ADARB2: variants seen among roughly 807,000 people sequenced by gnomAD.
ADARB2 encodes the protein inactive double-stranded RNA-specific editase B2.
A neutral mutation model predicts 62.2 loss-of-function variants in ADARB2; 25 were observed. The ratio of observed to expected loss-of-function variants is 0.40; its 90% confidence interval spans 0.29 to 0.56. The LOEUF is 0.56. Among genes scored for constraint, ADARB2 ranks in the 20% least tolerant of loss-of-function variants. ADARB2 has a pLI of 0.43. For missense variants in ADARB2, 1,071 were observed against 1,077.4 expected (o/e 0.99, Z 0.08); for synonymous variants, 572 against 500.8 (o/e 1.14, Z -1.90).
chr10:1,681,816 G>T (rs1224919381), intron 1 of ADARB2, among the ~76,000 whole-genome samples: 2 of 152,184 alleles, frequency 1.3e-5, no homozygotes, highest in Non-Finnish European at 2.9e-5. Context: ...CGGGTGTTTG[G>T]TGTGGCTCCC....
At chr10:1,498,709 A>G (rs1180094362) in intron 1 of ADARB2, among the ~76,000 whole-genome samples, 14 of 152,248 alleles carry the variant, frequency 9.2e-5, no homozygotes, top group Admixed American at 9.2e-4. Context: ...AAGACGTAAA[A>G]CACAAGTTAC....
chr10:1,349,060 C>T (rs150429195), intron 3 of ADARB2, among the ~76,000 whole-genome samples: 1,665 of 152,302 alleles, frequency 0.011, 15 homozygotes, highest in Non-Finnish European at 0.019. Flanking sequence ...TCCCCTGTGA[C>T]CTGCAGGTAC....
intron 1 of ADARB2, among the ~76,000 whole-genome samples, chr10:1,612,350 G>A (rs1833583117): frequency 6.6e-6 from 1 of 152,342 alleles, no homozygotes; most frequent in South Asian, 2.1e-4. Context: ...CCCCAGCCAG[G>A]ACCCGAGGCC....
chr10:1,233,683 T>C lies in ADARB2; in HGVS notation c.1513+11A>G, dbSNP rs758447090. 9.4e-6 allele frequency: 15 copies of C among 1,603,174 alleles called. No individual in the cohort carries two copies. The highest frequency in any genetic ancestry group is 1.7e-4 in the Middle Eastern group (1 of 6,020). ...TGTTGGCCTACAGAAGGTAAAAGCATGGTCTCTTACGGTCTGTGGTGATCT... is the reference window on the plus strand; with the variant it reads ...TGTTGGCCTACAGAAGGTAAAAGCACGGTCTCTTACGGTCTGTGGTGATCT... On this transcript the variant is annotated intron_variant, in intron 6 of 9. Coordinates refer to ENST00000381312, the MANE Select transcript of ADARB2 (RefSeq NM_018702.4).
At chr10:1,488,036 A>C (rs901295772) in intron 1 of ADARB2, among the ~76,000 whole-genome samples, 18 of 152,256 alleles carry the variant, frequency 1.2e-4, no homozygotes, top group African/African-American at 3.9e-4. Flanking sequence ...GTAATTTCCA[A>C]GAAGGTCATC....
At chr10:1,468,968 C>G (rs1396282379) in intron 1 of ADARB2, among the ~76,000 whole-genome samples, 1 of 152,226 alleles carries the variant, frequency 6.6e-6, no homozygotes, top group African/African-American at 2.4e-5. Flanking sequence ...GTGTCTTGCC[C>G]AAGTGGCCCC....
At chr10:1,266,286 T>A (rs1831199675) in intron 4 of ADARB2, among the ~76,000 whole-genome samples, 2 of 152,192 alleles carry the variant, frequency 1.3e-5, no homozygotes, top group Admixed American at 1.3e-4. Flanking sequence ...TGCCTGTAGG[T>A]CCGGTGCAAC....
chr10:1,514,193 A>ATATATATATATATATATG (rs933457969), intron 1 of ADARB2, among the ~76,000 whole-genome samples: 3 of 133,814 alleles, frequency 2.2e-5, no homozygotes, highest in African/African-American at 8.1e-5. Flanking sequence ...ATATATATAT[A>ATATATATATATATATATG]TATGTATATT....
intron 1 of ADARB2, among the ~76,000 whole-genome samples, chr10:1,595,885 C>T (rs1833327302): frequency 6.6e-6 from 1 of 152,226 alleles, no homozygotes; most frequent in Non-Finnish European, 1.5e-5. Context: ...AGAATGAGCT[C>T]ACTTCCAGGA....
intron 1 of ADARB2, among the ~76,000 whole-genome samples, chr10:1,498,727 T>G (rs1049148937): frequency 1.3e-5 from 2 of 152,220 alleles, no homozygotes; most frequent in African/African-American, 2.4e-5. Context: ...TACAGACATA[T>G]ACTTTTGTAT....
intron 3 of ADARB2, among the ~76,000 whole-genome samples, chr10:1,321,993 G>A (rs1313943893): frequency 6.6e-6 from 1 of 152,038 alleles, no homozygotes; most frequent in Non-Finnish European, 1.5e-5. Flanking sequence ...AGAAGACACA[G>A]AAATGCTCCC....
chr10:1,645,603 G>A (rs922435035), intron 1 of ADARB2, among the ~76,000 whole-genome samples: 3 of 152,144 alleles, frequency 2.0e-5, no homozygotes, highest in Non-Finnish European at 4.4e-5. Flanking sequence ...AACTCACACC[G>A]TCAGTGTATT....
chr10:1,272,091 CTTA>C (rs1451052634), intron 3 of ADARB2, among the ~76,000 whole-genome samples: 1 of 152,226 alleles, frequency 6.6e-6, no homozygotes, highest in Non-Finnish European at 1.5e-5. Flanking sequence ...GACTATTACT[CTTA>C]TTATTTTCAT....
intron 2 of ADARB2, among the ~76,000 whole-genome samples, chr10:1,373,709 G>A (rs1019219871): frequency 2.6e-5 from 4 of 152,184 alleles, no homozygotes; most frequent in African/African-American, 9.7e-5. Flanking sequence ...TGCCCTCACT[G>A]GGGCTCACAC....
At chr10:1,223,534 A>C (rs1330548894) in intron 6 of ADARB2, among the ~76,000 whole-genome samples, 2 of 152,190 alleles carry the variant, frequency 1.3e-5, no homozygotes, top group African/African-American at 2.4e-5. Context: ...GTTTTTGCCC[A>C]TTCAGTATGA....
At chr10:1,582,219 G>A (rs1422012145) in intron 1 of ADARB2, among the ~76,000 whole-genome samples, 4 of 152,128 alleles carry the variant, frequency 2.6e-5, no homozygotes, top group Non-Finnish European at 4.4e-5. Flanking sequence ...AGTTGGAGTT[G>A]TCTCTGGCCC....
chr10:1,234,094 C>A (rs1830837371), intron 5 of ADARB2, among the ~76,000 whole-genome samples: 1 of 149,686 alleles, frequency 6.7e-6, no homozygotes, highest in Non-Finnish European at 1.5e-5. Context: ...CCTTGAGTAT[C>A]AAGTGATACT....
At chr10:1,608,780 G>GAAAGAAAGAAAGAAAGAAAGAAAGAA (rs1033646108) in intron 1 of ADARB2, among the ~76,000 whole-genome samples, 1 of 146,804 alleles carries the variant, frequency 6.8e-6, no homozygotes, top group African/African-American at 2.5e-5. Context: ...GAAAGAGAAA[G>GAAAGAAAGAAAGAAAGAAAGAAAGAA]AAAGAAAGAA....
At chr10:1,240,976 T>C (rs1214972260) in intron 5 of ADARB2, among the ~76,000 whole-genome samples, 1 of 152,212 alleles carries the variant, frequency 6.6e-6, no homozygotes. Flanking sequence ...CAGATAAGAA[T>C]GAGCTGAGTG....
Sources: gnomAD v4.1 joint callset for allele counts (sites outside exome capture counted in the v4.1 genomes callset) on GRCh38, gnomAD v4.1.1 for gene constraint, MANE v1.5 for transcripts, NCBI Gene and HGNC (gene_info 2026-07-23, HGNC 2026-07-21) for gene names.